The following COL6A5 variants were observed in gnomAD, a reference collection of about 807,000 sequenced individuals.
COL6A5 encodes the protein collagen alpha-5(VI) chain.
In COL6A5, 48 loss-of-function variants were observed where a neutral mutation model predicts 65.6. That is an observed-to-expected ratio of 0.73 (90% CI 0.58 to 0.93). The LOEUF is 0.93. Among genes scored for constraint, COL6A5 ranks in the 40% least tolerant of loss-of-function variants. The probability of loss-of-function intolerance (pLI) is 0.00; values close to 1 mark genes in which losing one functional copy is unlikely to be tolerated. For missense variants in COL6A5, 914 were observed against 928.3 expected (o/e 0.98, Z 0.20); for synonymous variants, 291 against 322.8 (o/e 0.90, Z 1.05).
At chr3:130,426,154 C>G in intron 29 of COL6A5, 60 bp from the exon 30 acceptor site, 1 of 1,486,516 alleles carries the variant, frequency 6.7e-7, no homozygotes, top group Non-Finnish European at 9.2e-7. Context: ...TGTTTTATTA[C>G]TAAAGACTAA....
At chr3:130,387,551 T>C (rs1391062) in intron 5 of COL6A5, among the ~76,000 whole-genome samples, 40,474 of 152,006 alleles carry the variant, frequency 0.27, 6,937 homozygotes, top group East Asian at 0.53. Flanking sequence ...GATGGTTCCA[T>C]GGCAGCTTGA....
chr3:130,388,681 T>G (rs1289279660), exon 6 of COL6A5: 2 of 1,551,130 alleles, frequency 1.3e-6, no homozygotes, highest in Non-Finnish European at 1.7e-6. Flanking sequence ...GAAAAACCTG[T>G]TAACTAAAAT....
intron 6 of COL6A5, among the ~76,000 whole-genome samples, chr3:130,470,229 G>A (rs1709914340): frequency 6.6e-6 from 1 of 152,066 alleles, no homozygotes; most frequent in African/African-American, 2.4e-5. Context: ...CATGCATATA[G>A]CAGCACATCC....
upstream of COL6A5, chr3:130,429,429 C>T (rs534521208): frequency 1.6e-6 from 1 of 630,158 alleles, no homozygotes; most frequent in Admixed American, 3.4e-5. Context: ...ATACTTTAAC[C>T]TTGGCTTCCT....
At chr3:130,410,357 G>A in intron 19 of COL6A5, 114 bp from the exon 20 acceptor site, 1 of 770,552 alleles carries the variant, frequency 1.3e-6, no homozygotes, top group Non-Finnish European at 2.2e-6. Context: ...AATGATCACA[G>A]CATGACATGT....
chr3:130,447,630 TAAAG>T (rs555492493), intron 4 of COL6A5, among the ~76,000 whole-genome samples: 205 of 152,178 alleles, frequency 1.3e-3, no homozygotes, highest in Non-Finnish European at 2.0e-3. Flanking sequence ...ACCTTGAAAA[TAAAG>T]AAGCCAATTC....
intron 7 of COL6A5, 37 bp downstream of exon 39, chr3:130,471,004 A>G (rs1318771371): frequency 1.4e-6 from 2 of 1,407,718 alleles, no homozygotes; most frequent in East Asian, 2.3e-5. Context: ...TAATACCACA[A>G]CTGGAAACAG....
At chr3:130,385,478 T>C (rs1321382605) in intron 5 of COL6A5, 114 bp downstream of exon 5, 2 of 1,094,848 alleles carry the variant, frequency 1.8e-6, no homozygotes, top group Non-Finnish European at 2.6e-6. Context: ...AACATTTTGC[T>C]AGCTTCCTTT....
At chr3:130,358,258 C>T (rs1934993162) in intron 1 of COL6A5, among the ~76,000 whole-genome samples, 1 of 152,018 alleles carries the variant, frequency 6.6e-6, no homozygotes, top group Admixed American at 6.6e-5. Flanking sequence ...TCTTTAACCA[C>T]TTTGTTGAAG....
chr3:130,373,728 T>C, intron 2 of COL6A5, 23 bp downstream of exon 2: 1 of 1,433,216 alleles, frequency 7.0e-7, no homozygotes, highest in Non-Finnish European at 9.5e-7. Context: ...TTTACGTTTA[T>C]TATTATTTAG....
In COL6A5 at chr3:130,440,817, C is replaced by T. The variant is rs768029912; in HGVS notation, c.1235C>T (p.Ser412Leu). 27 of 1,607,656 alleles carry T rather than the reference C, an allele frequency of 1.7e-5. No individual in the cohort carries two copies. The highest frequency in any genetic ancestry group is 5.0e-5 in the Admixed American group (3 of 59,494). The stretch of plus-strand genomic sequence containing the variant: ...AAGTTCTTAAAGCCATTTTTATACT[C>T]GGTCAGGCGTAAGTTATTATTTCAT... Residue 412 changes from serine (S) to leucine (L), a missense_variant, in exon 3 of 8, where the codon TCG becomes TTG. Coordinates refer to ENST00000512836, the Ensembl canonical transcript of COL6A5.
intron 4 of COL6A5, among the ~76,000 whole-genome samples, chr3:130,448,719 G>GA (rs1322912678): frequency 1.3e-5 from 2 of 152,174 alleles, no homozygotes; most frequent in African/African-American, 4.8e-5. Flanking sequence ...TCGAACTGGT[G>GA]AAAGCACTTG....
chr3:130,395,491 TC>T, intron 8 of COL6A5, 26 bp downstream of exon 8: 1 of 1,500,860 alleles, frequency 6.7e-7, no homozygotes. Context: ...TTGGTTTTCT[TC>T]CATGGAAACT....
chr3:130,478,778 G>C (rs1000232022), intron 7 of COL6A5, among the ~76,000 whole-genome samples: 3 of 151,986 alleles, frequency 2.0e-5, no homozygotes, highest in South Asian at 2.1e-4. Flanking sequence ...CCCAAGTAAG[G>C]CTTCAAATCT....
intron 4 of COL6A5, among the ~76,000 whole-genome samples, chr3:130,382,365 C>G (rs1203231954): frequency 1.3e-5 from 2 of 152,132 alleles, no homozygotes; most frequent in African/African-American, 4.8e-5. Flanking sequence ...AGCTCACCTA[C>G]AGATATAGCA....
At chr3:130,406,209 T>A in intron 16 of COL6A5, 34 bp downstream of exon 16, 1 of 1,549,756 alleles carries the variant, frequency 6.5e-7, no homozygotes, top group Non-Finnish European at 8.7e-7. Context: ...CATAAAACTG[T>A]CATGAGGTTG....
intron 5 of COL6A5, among the ~76,000 whole-genome samples, chr3:130,463,595 C>A (rs16828335): frequency 0.012 from 1,829 of 152,152 alleles, 38 homozygotes; most frequent in African/African-American, 0.041. Context: ...TAATTCCTTC[C>A]AAATCTTGCC....
chr3:130,453,773 G>A lies in COL6A5; in HGVS notation c.1333-1682G>A, dbSNP rs986247556. Among the ~76,000 whole-genome samples, 114 of 152,132 alleles carry A rather than the reference G, an allele frequency of 7.5e-4. 1 individual carries two copies. The highest frequency in any genetic ancestry group is 2.6e-3 in the African/African-American group (110 of 41,520). On this transcript the variant is annotated intron_variant, in intron 4 of 7. Coordinates refer to ENST00000512836, the Ensembl canonical transcript of COL6A5. ...CATAATCACCCCATCTTCTCAAATTGCAATTAAGCAAAGGAGCTTCTCAGA... is the reference window on the plus strand; with the variant it reads ...CATAATCACCCCATCTTCTCAAATTACAATTAAGCAAAGGAGCTTCTCAGA...
At chr3:130,405,870 C>A (rs1392522222) in intron 14 of COL6A5, 123 bp from the exon 15 acceptor site, 12 of 1,036,574 alleles carry the variant, frequency 1.2e-5, no homozygotes, top group Non-Finnish European at 1.8e-5. Flanking sequence ...CATCTCTAAC[C>A]TCTTTGTAGA....
Sources: gnomAD v4.1 joint callset for allele counts (sites outside exome capture counted in the v4.1 genomes callset) on GRCh38, gnomAD v4.1.1 for gene constraint, MANE v1.5 for transcripts, NCBI Gene and HGNC (gene_info 2026-07-23, HGNC 2026-07-21) for gene names.